Variants in METTL14 observed in about 807,000 individuals in gnomAD.
METTL14 encodes the protein methyltransferase 14, N6-adenosine-methyltransferase non-catalytic subunit, also known as N(6)-adenosine-methyltransferase non-catalytic subunit METTL14.
A neutral mutation model predicts 62.4 loss-of-function variants in METTL14; 32 were observed. The ratio of observed to expected loss-of-function variants is 0.51; its 90% CI spans 0.39 to 0.69. METTL14 has a LOEUF of 0.69. Ranked by LOEUF, METTL14 falls within the 30% of genes least tolerant of loss-of-function variation. METTL14 has a pLI of 0.00. For synonymous variants in METTL14, 150 were observed against 180.0 expected (o/e 0.83, Z 1.34); for missense variants, 340 against 551.9 (o/e 0.62, Z 3.85).
At chr4:118,704,544 T>C (rs567970131) in intron 9 of METTL14, among the ~76,000 whole-genome samples, 1 of 152,270 alleles carries the variant, frequency 6.6e-6, no homozygotes, top group South Asian at 2.1e-4. Context: ...GTCTTTCTTA[T>C]TAAGTCTTTT....
intron 10 of METTL14, 38 bp downstream of exon 10, chr4:118,705,859 G>A: frequency 2.0e-6 from 3 of 1,485,036 alleles, no homozygotes; most frequent in Non-Finnish European, 2.8e-6. Flanking sequence ...ATGATTCTTT[G>A]GGTTATGCAT....
At chr4:118,701,309 C>G (rs1724583419) in intron 8 of METTL14, among the ~76,000 whole-genome samples, 1 of 151,584 alleles carries the variant, frequency 6.6e-6, no homozygotes. Flanking sequence ...CCACATCAGC[C>G]TCCTAATAGC....
At position 118,712,588 on chromosome 4, in the gene METTL14, C is replaced by T. The variant is rs1724953970; in HGVS notation, c.*2286C>T. 6.6e-6 allele frequency: 1 copy of T among 150,914 alleles called. No homozygotes were observed. Among genetic ancestry groups the T allele is most frequent in the African/African-American group, 2.4e-5 (1 of 40,980 alleles). 9.3% of individuals were successfully genotyped at this position (150,914 alleles called of 1,614,324 possible). A position where few individuals can be genotyped will look rare whatever the true frequency, so the allele number is the denominator to read the frequency against. On this transcript the variant is annotated 3_prime_UTR_variant, in exon 11 of 11. Coordinates refer to ENST00000388822, the MANE Select transcript of METTL14 (RefSeq NM_020961.4). ...TGAGCCGAGATTGTGCCACTGCACT[C>T]CAGCCTGGGCGACAGAGTGAGACTC...
At chr4:118,686,862 G>C (rs1016339687) in intron 1 of METTL14, among the ~76,000 whole-genome samples, 1 of 152,096 alleles carries the variant, frequency 6.6e-6, no homozygotes, top group Non-Finnish European at 1.5e-5. Flanking sequence ...TTATGAATTG[G>C]TTGCACTCTA....
rs189275806 is a variant in METTL14, at chr4:118,697,919, C to T, written c.645+596C>T. Among the ~76,000 whole-genome samples the T allele has an allele frequency of 1.5e-3, 224 of 151,830 alleles. 1 individual carries two copies. The highest frequency in any genetic ancestry group is 5.1e-3 in the African/African-American group (209 of 41,386). On this transcript the variant is annotated intron_variant, in intron 7 of 10. Transcript: ENST00000388822. ...ATTAGCCAAGAAAGATGTGGGACGG[C>T]GGTTACAAGCAGAAGGAACAACAAG...
chr4:118,713,283 A>G lies in METTL14; in HGVS notation c.*2981A>G, dbSNP rs1256428423. ...TCATTTAAGTTAATGGAGTATAAAG[A>G]TGGGATACTTGGGAGCTATATTGTG... is the stretch of plus-strand genomic sequence containing the variant. On this transcript the variant is annotated 3_prime_UTR_variant, in exon 11 of 11. Transcript: ENST00000388822. 3 of 152,176 alleles carry G rather than the reference A, an allele frequency of 2.0e-5. No individual in the cohort carries two copies. The highest frequency in any genetic ancestry group is 2.9e-5 in the Non-Finnish European group (2 of 68,032). The allele number at this position is 152,176 out of a possible 1,614,324, so 9.4% of individuals were successfully genotyped here.
rs1724014103 is a variant in METTL14, at chr4:118,685,457, A to G, written c.-78A>G. The G allele has an allele frequency of 2.1e-6, 3 of 1,409,398 alleles. No homozygotes were observed. Among genetic ancestry groups the G allele is most frequent in the Non-Finnish European group, 3.0e-6 (3 of 993,724 alleles). 87.3% of individuals were successfully genotyped at this position (1,409,398 alleles called of 1,614,324 possible). ...AAGCTCCCGGTGAATTTTGTTCCAC[A>G]GACTCGGAAGAAAGGTTGGATAAGA... On this transcript the variant is annotated 5_prime_UTR_variant, in exon 1 of 11. Coordinates refer to ENST00000388822, the MANE Select transcript of METTL14 (RefSeq NM_020961.4).
intron 1 of METTL14, among the ~76,000 whole-genome samples, chr4:118,686,864 T>G (rs569359332): frequency 4.6e-5 from 7 of 152,356 alleles, no homozygotes; most frequent in Admixed American, 4.6e-4. Flanking sequence ...ATGAATTGGT[T>G]GCACTCTACT....
At position 118,713,285 on chromosome 4, in the gene METTL14, G is replaced by C. The variant is rs1724977764; in HGVS notation, c.*2983G>C. On this transcript the variant is annotated 3_prime_UTR_variant, in exon 11 of 11. Coordinates refer to ENST00000388822, the MANE Select transcript of METTL14 (RefSeq NM_020961.4). ...ATTTAAGTTAATGGAGTATAAAGAT[G>C]GGATACTTGGGAGCTATATTGTGCA... The C allele has an allele frequency of 6.6e-6, 1 of 152,152 alleles. No homozygotes were observed. 9.4% of individuals were successfully genotyped at this position (152,152 alleles called of 1,614,324 possible). A position where few individuals can be genotyped will look rare whatever the true frequency, so the allele number is the denominator to read the frequency against.
intron 4 of METTL14, 49 bp downstream of exon 4, chr4:118,691,661 A>G (rs763114101): frequency 2.1e-5 from 19 of 910,738 alleles, no homozygotes; most frequent in Non-Finnish European, 2.9e-5. Flanking sequence ...TTTAAGTTCT[A>G]TACCTGAAAA....
Position 118,685,521 on chromosome 4 carries a change from G to A in METTL14, c.-14G>A, listed in dbSNP as rs749688592. ...TGACAAGTACTCGGGATAGTGAAAA[G>A]CCGGAGTTGGAACATGGATAGCCGC... On this transcript the variant is annotated 5_prime_UTR_variant, in exon 1 of 11. Coordinates refer to ENST00000388822, the MANE Select transcript of METTL14 (RefSeq NM_020961.4). The A allele has an allele frequency of 1.5e-5, 25 of 1,613,966 alleles. No individual in the cohort carries two copies. The highest frequency in any genetic ancestry group is 2.1e-5 in the Non-Finnish European group (25 of 1,179,828).
At chr4:118,687,813 A>T in intron 1 of METTL14, 110 bp from the exon 2 acceptor site, 1 of 705,914 alleles carries the variant, frequency 1.4e-6, no homozygotes, top group Non-Finnish European at 2.4e-6. Context: ...GTGTGTGTGA[A>T]TTAAGGTGTT....
chr4:118,704,578 A>C (rs1175356298), intron 9 of METTL14, among the ~76,000 whole-genome samples: 1 of 152,070 alleles, frequency 6.6e-6, no homozygotes, highest in Non-Finnish European at 1.5e-5. Context: ...ATGCCTAGGT[A>C]ATGAAGCCTC....
chr4:118,689,873 G>C (rs879071032), intron 3 of METTL14, among the ~76,000 whole-genome samples: 3 of 150,964 alleles, frequency 2.0e-5, no homozygotes, highest in Non-Finnish European at 4.4e-5. Context: ...CTCTTTACCT[G>C]GTGATCCACC....
Position 118,685,397 on chromosome 4 carries a change from T to C in METTL14, c.-138T>C. ...GCCAATTCCGGCCGCGCCGGAAGTC[T>C]CTACTGAGGAAAGCTATGAGGATAC... On this transcript the variant is annotated 5_prime_UTR_variant, in exon 1 of 11. Coordinates refer to ENST00000388822, the MANE Select transcript of METTL14 (RefSeq NM_020961.4). The C allele has an allele frequency of 1.2e-6, 1 of 849,354 alleles. No individual in the cohort carries two copies. Among genetic ancestry groups the C allele is most frequent in the Non-Finnish European group, 1.9e-6 (1 of 516,704 alleles). The allele number at this position is 849,354 out of a possible 1,614,324, so 52.6% of individuals were successfully genotyped here.
rs773521841 is a variant in METTL14 at position 118,710,128 on chromosome 4, G to T, written c.1197G>T (p.Ser399=). The part of the protein sequence containing the change: ...TEEIERLRPK[S]PPPKSKSDRG... ...AAATTGAGAGACTTCGACCAAAATC[G>T]CCTCCTCCCAAATCTAAATCTGACC... The change falls in exon 11 of 11, where the codon TCG becomes TCT. Residue 399 remains serine (S), a synonymous_variant. Coordinates refer to ENST00000388822, the MANE Select transcript of METTL14 (RefSeq NM_020961.4). 2 of 1,614,110 alleles carry T rather than the reference G, an allele frequency of 1.2e-6. No individual in the cohort carries two copies. The highest frequency in any genetic ancestry group is 1.7e-6 in the Non-Finnish European group (2 of 1,180,028).
At chr4:118,697,374 A>T in intron 7 of METTL14, 51 bp downstream of exon 7, 1 of 1,460,550 alleles carries the variant, frequency 6.8e-7, no homozygotes, top group Non-Finnish European at 9.3e-7. Context: ...TCAAATGAAT[A>T]TGTTTATTTG....
chr4:118,705,779 A>G lies in METTL14; in HGVS notation c.1024A>G (p.Arg342Gly). Reference protein sequence around the residue: ...HIIEHFCLGRRRLHLFGRDST... With the variant: ...HIIEHFCLGRGRLHLFGRDST... The stretch of plus-strand genomic sequence containing the variant: ...AATTGAGCATTTTTGTCTTGGTAGA[A>G]GACGCCTTCATCTATTTGGAAGAGA... Residue 342 changes from arginine (R) to glycine (G), a missense_variant, in exon 10 of 11, where the codon AGA (arginine) becomes GGA (glycine). By Grantham distance (125) the Arg-to-Gly change is moderately radical (BLOSUM62 -2). Transcript: ENST00000388822. The G allele has an allele frequency of 4.3e-6, 7 of 1,614,144 alleles. No homozygotes were observed. The highest frequency in any genetic ancestry group is 5.9e-6 in the Non-Finnish European group (7 of 1,180,000).
intron 8 of METTL14, among the ~76,000 whole-genome samples, chr4:118,702,683 T>C (rs1724629758): frequency 6.6e-6 from 1 of 151,948 alleles, no homozygotes; most frequent in South Asian, 2.1e-4. Flanking sequence ...AGCTGAGGCA[T>C]GAGAATCACT....
Sources: allele counts gnomAD v4.1 joint callset (sites outside exome capture counted in the v4.1 genomes callset), GRCh38; gene constraint gnomAD v4.1.1; transcripts MANE v1.5; gene names NCBI Gene and HGNC (gene_info 2026-07-23, HGNC 2026-07-21).